The following RIMS4 variants were observed in gnomAD, a reference collection of about 807,000 sequenced individuals.
The protein encoded by RIMS4 is regulating synaptic membrane exocytosis protein 4.
In RIMS4, 9 loss-of-function variants were observed where a neutral mutation model predicts 29.0. The ratio of observed to expected loss-of-function variants is 0.31; its 90% CI spans 0.19 to 0.54. The LOEUF (loss-of-function observed/expected upper bound fraction) is 0.54. Among genes scored for constraint, RIMS4 ranks in the 20% least tolerant of loss-of-function variants. The pLI is 0.94. For synonymous variants in RIMS4, 130 were observed against 152.9 expected, an observed-to-expected ratio of 0.85 and a Z score of 1.10; for missense variants, 193 against 365.7, an observed-to-expected ratio of 0.53 and a Z score of 3.85.
At position 44,756,367 on chromosome 20, in the gene RIMS4, ACACAGTGGTTCAAATCCTGCCAGTGC is replaced by A; in HGVS notation, c.592-41_592-16del. 1 of 1,608,912 alleles carries A rather than the reference ACACAGTGGTTCAAATCCTGCCAGTGC, an allele frequency of 6.2e-7. No homozygotes were observed. The stretch of plus-strand genomic sequence containing the variant: ...CACACGATCACCTGTGGGGCAAGAG[ACACAGTGGTTCAAATCCTGCCAGTGC>A]CACTCACAGGCCCAGAAGCAGAACC... On this transcript the variant is annotated splice_polypyrimidine_tract_variant and intron_variant, in intron 5 of 5. Coordinates refer to ENST00000372851, the MANE Select transcript of RIMS4 (RefSeq NM_182970.4). This position sits in a 1 kb window ranked among gnomAD's most constrained non-coding sequence, Gnocchi z 5.9.
intron 1 of RIMS4, among the ~76,000 whole-genome samples, chr20:44,777,058 T>C (rs1189648418): frequency 6.6e-6 from 1 of 152,162 alleles, no homozygotes; most frequent in Non-Finnish European, 1.5e-5. Context: ...ACTCCTTGAG[T>C]CCCGGGGCAC....
At chr20:44,762,739 G>C (rs1242178493) in intron 2 of RIMS4, among the ~76,000 whole-genome samples, 1 of 152,216 alleles carries the variant, frequency 6.6e-6, no homozygotes, top group Non-Finnish European at 1.5e-5. Flanking sequence ...CTGGGGGCTG[G>C]AGGAAGGAGG....
At chr20:44,760,042 T>G in intron 2 of RIMS4, among the ~76,000 whole-genome samples, 1 of 152,216 alleles carries the variant, frequency 6.6e-6, no homozygotes, top group East Asian at 1.9e-4. Context: ...CTTGGGCTCT[T>G]GACTTTTCAG....
At position 44,810,187 on chromosome 20, in the gene RIMS4, C is replaced by T; in HGVS notation, c.85G>A (p.Asp29Asn). 6.3e-7 allele frequency: 1 copy of T among 1,587,892 alleles called. No homozygotes were observed. The highest frequency in any genetic ancestry group is 8.6e-7 in the Non-Finnish European group (1 of 1,165,402). The change falls in exon 1 of 6, where the codon GAC becomes AAC. Residue 29 changes from aspartate to asparagine, a missense_variant. Transcript: ENST00000372851. ...GCCGCGCGCTTACCTGCGTCCTCGT[C>T]GTCGAAGGAGTTCATGCACGGGAAG... ...IYFPCMNSFDDEDAGDSRRLK... is the reference protein window; with the variant it reads ...IYFPCMNSFDNEDAGDSRRLK...
chr20:44,787,777 C>A (rs1167989925), intron 1 of RIMS4, among the ~76,000 whole-genome samples: 1 of 151,740 alleles, frequency 6.6e-6, no homozygotes, highest in Non-Finnish European at 1.5e-5. Flanking sequence ...AACTCCAGCC[C>A]TAAAAGTAAG....
At chr20:44,799,165 T>C (rs1348016408) in intron 1 of RIMS4, among the ~76,000 whole-genome samples, 2 of 152,124 alleles carry the variant, frequency 1.3e-5, no homozygotes, top group Non-Finnish European at 2.9e-5. Flanking sequence ...TAGCTGGGCA[T>C]GGTGGCACGC....
In RIMS4 at chr20:44,754,103, A is replaced by G. The variant is rs1042270547; in HGVS notation, c.*2031T>C. ...GTAAGTAATAAACGAACAGCAGAGA[A>G]ATCACACTGGTTAGAAAAACAAACA... On this transcript the variant is annotated 3_prime_UTR_variant, in exon 6 of 6. Transcript: ENST00000372851. The G allele has an allele frequency of 2.6e-5, 4 of 152,274 alleles. No homozygotes were observed. The highest frequency in any genetic ancestry group is 9.7e-5 in the African/African-American group (4 of 41,448). 9.4% of individuals were successfully genotyped at this position (152,274 alleles called of 1,614,324 possible). A position where few individuals can be genotyped will look rare whatever the true frequency, so the allele number is the denominator to read the frequency against.
At chr20:44,790,965 C>T (rs6103863) in intron 1 of RIMS4, among the ~76,000 whole-genome samples, 3,853 of 152,314 alleles carry the variant, frequency 0.025, 63 homozygotes, top group South Asian at 0.057. Flanking sequence ...TATTAGGGTG[C>T]GCTGCCTCGT....
At chr20:44,779,476 C>T (rs2066174300) in intron 1 of RIMS4, among the ~76,000 whole-genome samples, 1 of 152,134 alleles carries the variant, frequency 6.6e-6, no homozygotes, top group South Asian at 2.1e-4. Context: ...TTGTAGTTTT[C>T]ACTACATAAA....
intron 1 of RIMS4, among the ~76,000 whole-genome samples, chr20:44,795,361 C>T (rs889327675): frequency 1.3e-4 from 20 of 152,302 alleles, no homozygotes; most frequent in African/African-American, 3.4e-4. Flanking sequence ...GCCAGCCAGG[C>T]GCAGTGGCTC....
At chr20:44,808,513 A>G (rs2066308979) in intron 1 of RIMS4, among the ~76,000 whole-genome samples, 1 of 152,120 alleles carries the variant, frequency 6.6e-6, no homozygotes, top group African/African-American at 2.4e-5. Flanking sequence ...GGAGCCCCCT[A>G]CTTCTTCCCA....
intron 1 of RIMS4, among the ~76,000 whole-genome samples, chr20:44,773,922 C>G (rs1368203538): frequency 6.6e-6 from 1 of 152,142 alleles, no homozygotes; most frequent in Non-Finnish European, 1.5e-5. Flanking sequence ...AAAGTAGGTG[C>G]CAAACATAAA....
chr20:44,792,538 C>T (rs1369001396), intron 1 of RIMS4, among the ~76,000 whole-genome samples: 1 of 152,072 alleles, frequency 6.6e-6, no homozygotes, highest in Non-Finnish European at 1.5e-5. Context: ...GAGATCCACC[C>T]ACCTCAGCCT....
chr20:44,789,678 C>G (rs989299432), intron 1 of RIMS4, among the ~76,000 whole-genome samples: 2 of 152,158 alleles, frequency 1.3e-5, no homozygotes, highest in Admixed American at 1.3e-4. Flanking sequence ...ACGTCAGCCT[C>G]CTGAGCAGCT....
intron 1 of RIMS4, among the ~76,000 whole-genome samples, chr20:44,808,191 TA>T (rs1356787962): frequency 2.6e-5 from 4 of 151,866 alleles, no homozygotes; most frequent in African/African-American, 7.3e-5. Flanking sequence ...AAAAAGGGGA[TA>T]GACAAGATGA....
At chr20:44,771,900 C>T (rs536688754) in intron 1 of RIMS4, among the ~76,000 whole-genome samples, 1 of 152,196 alleles carries the variant, frequency 6.6e-6, no homozygotes, top group South Asian at 2.1e-4. Context: ...AATAGCAACC[C>T]TCACCCCACC....
rs779586357 is a variant in RIMS4, at chr20:44,771,466, G to A, written c.98-53C>T. 3.8e-6 allele frequency: 6 copies of A among 1,569,908 alleles called. No individual in the cohort carries two copies. In the South Asian group the frequency reaches 6.8e-5, roughly 18 times the overall value. ...GGGAAGAGAGACACAGGTGGGAGGGGGACAGAGAGAAGAGTCATCTGGTTA... is the reference window on the plus strand; with the variant it reads ...GGGAAGAGAGACACAGGTGGGAGGGAGACAGAGAGAAGAGTCATCTGGTTA... On this transcript the variant is annotated intron_variant, in intron 1 of 5. Coordinates refer to ENST00000372851, the MANE Select transcript of RIMS4 (RefSeq NM_182970.4).
chr20:44,799,988 T>C (rs1033115265), intron 1 of RIMS4, among the ~76,000 whole-genome samples: 1 of 152,222 alleles, frequency 6.6e-6, no homozygotes, highest in African/African-American at 2.4e-5. Flanking sequence ...GATGGGGCTA[T>C]GATAAGCCCG....
chr20:44,763,568 C>T (rs534299115), intron 2 of RIMS4, among the ~76,000 whole-genome samples: 1 of 152,356 alleles, frequency 6.6e-6, no homozygotes, highest in East Asian at 1.9e-4. Context: ...GGGACGTGTG[C>T]CACTTGGACA....
Sources: allele counts gnomAD v4.1 joint callset (sites outside exome capture counted in the v4.1 genomes callset), GRCh38; gene constraint gnomAD v4.1.1; non-coding constraint Gnocchi (gnomAD v3.1); transcripts MANE v1.5; gene names NCBI Gene and HGNC (gene_info 2026-07-23, HGNC 2026-07-21).